Variants in CIAO2A observed in about 807,000 individuals in gnomAD.
CIAO2A encodes MIP18 family protein FAM96A.
A neutral mutation model predicts 22.4 loss-of-function variants in CIAO2A; 17 were observed. The ratio of observed to expected loss-of-function variants is 0.76; its 90% CI spans 0.52 to 1.14. The LOEUF is 1.14. CIAO2A is among the 50% of genes most tolerant of loss of function. The pLI is 0.00. For synonymous variants in CIAO2A, 74 were observed against 72.3 expected (o/e 1.02, Z -0.12); for missense variants, 192 against 191.4 (o/e 1.00, Z -0.02).
chr15:64,076,136 T>G (rs1420688398), intron 3 of CIAO2A, among the ~76,000 whole-genome samples: 1 of 152,254 alleles, frequency 6.6e-6, no homozygotes, highest in East Asian at 1.9e-4. Context: ...TTTACACAAA[T>G]GAGATCTCAT....
At chr15:64,081,030 T>G in intron 3 of CIAO2A, 72 bp downstream of exon 3, 1 of 1,403,508 alleles carries the variant, frequency 7.1e-7, no homozygotes, top group Non-Finnish European at 1.0e-6. Flanking sequence ...ACGTGAATTG[T>G]GTGGTATGTG....
intron 2 of CIAO2A, among the ~76,000 whole-genome samples, chr15:64,085,231 T>C (rs933002596): frequency 6.6e-6 from 1 of 152,154 alleles, no homozygotes; most frequent in Non-Finnish European, 1.5e-5. Context: ...TATAACTATA[T>C]AATTAAAGAA....
Position 64,077,836 on chromosome 15 carries a change from C to T in CIAO2A, c.340-2299G>A, listed in dbSNP as rs182985113. Among the ~76,000 whole-genome samples the T allele has an allele frequency of 1.8e-4, 28 of 152,266 alleles. No individual in the cohort carries two copies. The East Asian group carries it at 4.2e-3, about 23-fold the overall frequency. On this transcript the variant is annotated intron_variant, in intron 3 of 4. Transcript: ENST00000300030. ...ATGAAGGATGTTACCCATTGGAATA[C>T]GTGCTGTAGATGAGATGACAGTACT...
In CIAO2A at chr15:64,093,736, C is replaced by A; in HGVS notation, c.33G>T (p.Thr11=). 1 of 1,613,572 alleles carries A rather than the reference C, an allele frequency of 6.2e-7. No individual in the cohort carries two copies. The highest frequency in any genetic ancestry group is 1.3e-5 in the African/African-American group (1 of 75,030). The change falls in exon 1 of 5, where the codon ACG becomes ACT. Residue 11 remains threonine (T), a synonymous_variant. Transcript: ENST00000300030. MQRVSGLLSW[T]LSRVLWLSGL... ...CGGAGAGCCACAGGACTCTGCTCAG[C>A]GTCCAGGAGAGCAGCCCGGACACCC...
At chr15:64,091,001 A>G (rs332260) in intron 1 of CIAO2A, among the ~76,000 whole-genome samples, 140,680 of 152,202 alleles carry the variant, frequency 0.92, 65,955 homozygotes, top group East Asian at 1. Flanking sequence ...AGAACAATAA[A>G]GAGAAATGGT....
chr15:64,084,293 C>T (rs1318964442), intron 2 of CIAO2A, among the ~76,000 whole-genome samples: 1 of 152,060 alleles, frequency 6.6e-6, no homozygotes, highest in Non-Finnish European at 1.5e-5. Context: ...CAGGTGTGGG[C>T]CACCACGTCT....
At chr15:64,088,590 G>A in intron 2 of CIAO2A, 97 bp downstream of exon 2, 1 of 1,007,744 alleles carries the variant, frequency 9.9e-7, no homozygotes, top group Non-Finnish European at 1.4e-6. Flanking sequence ...ACACTGTATG[G>A]TTTTTCAACA....
intron 1 of CIAO2A, among the ~76,000 whole-genome samples, chr15:64,092,021 A>G (rs966876776): frequency 7.0e-6 from 1 of 141,948 alleles, no homozygotes; most frequent in Admixed American, 7.5e-5. Context: ...CAGTGATTGC[A>G]CCACTGCACT....
intron 2 of CIAO2A, 100 bp downstream of exon 2, chr15:64,088,587 A>G: frequency 1.1e-6 from 1 of 942,470 alleles, no homozygotes; most frequent in Non-Finnish European, 1.5e-6. Flanking sequence ...CATACACTGT[A>G]TGGTTTTTCA....
At chr15:64,086,931 A>G (rs1446657329) in intron 2 of CIAO2A, among the ~76,000 whole-genome samples, 1 of 144,590 alleles carries the variant, frequency 6.9e-6, no homozygotes, top group East Asian at 2.0e-4. Context: ...TTTTTTTGAG[A>G]TGAAGTTTTT....
At chr15:64,078,405 C>T (rs1018872560) in intron 3 of CIAO2A, among the ~76,000 whole-genome samples, 4 of 151,984 alleles carry the variant, frequency 2.6e-5, no homozygotes, top group African/African-American at 9.7e-5. Context: ...GAGGCTAAGG[C>T]GGGTGTATCA....
At chr15:64,093,597 C>A (rs1244063262) in intron 1 of CIAO2A, 48 bp downstream of exon 1, 11 of 1,576,730 alleles carry the variant, frequency 7.0e-6, no homozygotes, top group African/African-American at 1.3e-5. Context: ...CCCTCAGCTC[C>A]GGCCTGCACC....
rs1322707426 is a variant in CIAO2A, at chr15:64,093,752, C to A, written c.17G>T (p.Gly6Val). The change falls in exon 1 of 5, where the codon GGG becomes GTG. Residue 6 changes from glycine (G) to valine (V), a missense_variant. Coordinates refer to ENST00000300030, the MANE Select transcript of CIAO2A (RefSeq NM_032231.7). ...TCTGCTCAGCGTCCAGGAGAGCAGC[C>A]CGGACACCCGCTGCATCTTCACGCT... MQRVS[G>V]LLSWTLSRVL... is the part of the protein sequence containing the mutation. 1.9e-6 allele frequency: 3 copies of A among 1,611,600 alleles called. No individual in the cohort carries two copies. Among genetic ancestry groups the A allele is most frequent in the Admixed American group, 1.7e-5 (1 of 59,906 alleles).
At chr15:64,079,607 T>TA (rs1167220496) in intron 3 of CIAO2A, among the ~76,000 whole-genome samples, 1 of 152,158 alleles carries the variant, frequency 6.6e-6, no homozygotes, top group Non-Finnish European at 1.5e-5. Flanking sequence ...GTACTCTGTG[T>TA]AAAGGCTAGG....
chr15:64,075,447 T>A (rs763176494), intron 4 of CIAO2A, 45 bp downstream of exon 4: 5 of 1,274,860 alleles, frequency 3.9e-6, no homozygotes, highest in Non-Finnish European at 4.4e-6. Flanking sequence ...CAAGATAAAA[T>A]ACTATCTGAA....
chr15:64,090,474 G>C (rs2080832086), intron 1 of CIAO2A, among the ~76,000 whole-genome samples: 1 of 152,150 alleles, frequency 6.6e-6, no homozygotes, highest in South Asian at 2.1e-4. Context: ...CCCAGTATGA[G>C]AATCAGTGGT....
At position 64,083,771 on chromosome 15, in the gene CIAO2A, C is replaced by T. The variant is rs139907340; in HGVS notation, c.290-2620G>A. On this transcript the variant is annotated intron_variant, in intron 2 of 4. Transcript: ENST00000300030. ...TAGCCTGGGTAACATGGAGAAACCC[C>T]GTCTCTATTGAAAATACAAAAAATT... Among the ~76,000 whole-genome samples the T allele has an allele frequency of 2.1e-4, 32 of 151,986 alleles. No individual in the cohort carries two copies. In the East Asian group the frequency reaches 4.8e-3, roughly 23 times the overall value.
chr15:64,089,499 G>A (rs973259059), intron 1 of CIAO2A, among the ~76,000 whole-genome samples: 8 of 146,116 alleles, frequency 5.5e-5, no homozygotes, highest in Admixed American at 2.1e-4. Flanking sequence ...GCAACAAAGC[G>A]AGACCCTGTC....
intron 3 of CIAO2A, among the ~76,000 whole-genome samples, chr15:64,076,485 C>A (rs1011106359): frequency 6.6e-6 from 1 of 152,112 alleles, no homozygotes; most frequent in African/African-American, 2.4e-5. Flanking sequence ...CCCTGCTGCA[C>A]CTATAGACAT....
Sources: allele counts gnomAD v4.1 joint callset (sites outside exome capture counted in the v4.1 genomes callset), GRCh38; gene constraint gnomAD v4.1.1; transcripts MANE v1.5; gene names NCBI Gene and HGNC (gene_info 2026-07-23, HGNC 2026-07-21).